Variants in IMPG1 observed in about 807,000 individuals in gnomAD.
The protein encoded by IMPG1 is interphotoreceptor matrix proteoglycan of 150 kDa.
IMPG1 carries 85 observed loss-of-function variants against 92.0 expected under a neutral mutation model. That is an observed-to-expected ratio of 0.92 (90% CI 0.78 to 1.11). IMPG1 has a LOEUF of 1.11. IMPG1 is among the 50% of genes least tolerant of loss of function. The pLI, the probability that IMPG1 is intolerant of heterozygous loss-of-function variation, is 0.00. For missense variants in IMPG1, 1,022 were observed against 956.0 expected (o/e 1.07, Z -0.91); for synonymous variants, 367 against 334.1 (o/e 1.10, Z -1.08).
chr6:75,938,371 T>C (rs1213185056), intron 14 of IMPG1, among the ~76,000 whole-genome samples: 2 of 152,246 alleles, frequency 1.3e-5, no homozygotes, highest in Admixed American at 1.3e-4. Flanking sequence ...TCTCCCAGTA[T>C]TGTGACCACA....
chr6:76,005,165 C>A (rs973285369), intron 10 of IMPG1, 122 bp downstream of exon 10: 2 of 932,796 alleles, frequency 2.1e-6, no homozygotes, highest in Admixed American at 4.4e-5. Flanking sequence ...ATATGTATTC[C>A]TGTCACAGTA....
At chr6:75,995,624 T>G (rs1782885660) in intron 12 of IMPG1, among the ~76,000 whole-genome samples, 1 of 152,260 alleles carries the variant, frequency 6.6e-6, no homozygotes, top group Non-Finnish European at 1.5e-5. Flanking sequence ...ATACTGTGTA[T>G]TTTATTATTT....
chr6:75,999,144 A>G (rs557304733), intron 12 of IMPG1, among the ~76,000 whole-genome samples: 1 of 152,308 alleles, frequency 6.6e-6, no homozygotes, highest in East Asian at 1.9e-4. Flanking sequence ...GGCATGAGCC[A>G]CTGCGCCCGG....
chr6:76,063,970 C>T (rs892295534), intron 1 of IMPG1, among the ~76,000 whole-genome samples: 1 of 151,862 alleles, frequency 6.6e-6, no homozygotes, highest in African/African-American at 2.4e-5. Context: ...TGTGTTCAGC[C>T]CTATGGGGAA....
At chr6:75,993,151 A>C (rs970203705) in intron 12 of IMPG1, among the ~76,000 whole-genome samples, 7 of 152,102 alleles carry the variant, frequency 4.6e-5, no homozygotes, top group Non-Finnish European at 7.4e-5. Context: ...TGGTGTTGTT[A>C]ATTAGTTATT....
At chr6:76,059,039 G>A (rs1784163868) in intron 1 of IMPG1, among the ~76,000 whole-genome samples, 1 of 152,110 alleles carries the variant, frequency 6.6e-6, no homozygotes, top group South Asian at 2.1e-4. Flanking sequence ...GGACAAAATG[G>A]CAGAGGCTGA....
At chr6:76,004,951 T>C (rs1381990859) in intron 10 of IMPG1, among the ~76,000 whole-genome samples, 1 of 152,160 alleles carries the variant, frequency 6.6e-6, no homozygotes, top group Non-Finnish European at 1.5e-5. Flanking sequence ...ACCTGACCAA[T>C]TGACTACATG....
intron 15 of IMPG1, among the ~76,000 whole-genome samples, chr6:75,926,954 C>T (rs902288126): frequency 6.6e-6 from 1 of 152,148 alleles, no homozygotes; most frequent in Non-Finnish European, 1.5e-5. Flanking sequence ...CAGGAGGGCA[C>T]CTGCCTTCAG....
chr6:75,931,956 C>T (rs1014364648), intron 14 of IMPG1, among the ~76,000 whole-genome samples: 23 of 152,316 alleles, frequency 1.5e-4, no homozygotes, highest in East Asian at 1.4e-3. Flanking sequence ...AGCAACTGAC[C>T]GGAGTCCTCA....
intron 12 of IMPG1, among the ~76,000 whole-genome samples, chr6:75,954,133 T>C (rs183802163): frequency 3.9e-5 from 6 of 152,338 alleles, no homozygotes; most frequent in Non-Finnish European, 8.8e-5. Context: ...TACCCAGTAA[T>C]GGGATTGCTG....
At chr6:76,037,568 A>G (rs1458331985) in intron 2 of IMPG1, among the ~76,000 whole-genome samples, 1 of 152,208 alleles carries the variant, frequency 6.6e-6, no homozygotes, top group East Asian at 1.9e-4. Flanking sequence ...TCAATAGTCT[A>G]CATAATATAC....
intron 12 of IMPG1, among the ~76,000 whole-genome samples, chr6:75,996,578 A>G (rs1030908159): frequency 2.0e-5 from 3 of 152,190 alleles, no homozygotes; most frequent in African/African-American, 7.2e-5. Context: ...AGTTGGGAGC[A>G]GCCTGGAAAA....
chr6:76,049,896 GTTAT>G (rs1784007494), intron 1 of IMPG1, among the ~76,000 whole-genome samples: 1 of 152,134 alleles, frequency 6.6e-6, no homozygotes, highest in African/African-American at 2.4e-5. Context: ...GGAGGTTGGT[GTTAT>G]TTATTTATTT....
chr6:75,969,383 AATATGTGTAC>A (rs1180536640), intron 12 of IMPG1, among the ~76,000 whole-genome samples: 1 of 152,182 alleles, frequency 6.6e-6, no homozygotes, highest in Non-Finnish European at 1.5e-5. Context: ...CAAAAATTGA[AATATGTGTAC>A]ATATTTCAAA....
chr6:75,969,329 A>G (rs1197380162), intron 12 of IMPG1, among the ~76,000 whole-genome samples: 2 of 152,204 alleles, frequency 1.3e-5, no homozygotes, highest in East Asian at 3.8e-4. Flanking sequence ...AAAAATGGCA[A>G]GTATGTGAGA....
intron 1 of IMPG1, among the ~76,000 whole-genome samples, chr6:76,044,968 G>A (rs141077037): frequency 5.8e-4 from 89 of 152,286 alleles, no homozygotes; most frequent in African/African-American, 1.8e-3. Flanking sequence ...TTCTCAGCAC[G>A]TCCATGAGCT....
At chr6:75,973,824 T>A (rs992034885) in intron 12 of IMPG1, among the ~76,000 whole-genome samples, 2 of 152,162 alleles carry the variant, frequency 1.3e-5, no homozygotes, top group African/African-American at 2.4e-5. Flanking sequence ...AGAGGACACA[T>A]AGGGTACTTT....
chr6:76,035,575 A>G (rs1301402247), intron 2 of IMPG1, among the ~76,000 whole-genome samples: 6 of 151,634 alleles, frequency 4.0e-5, no homozygotes. Flanking sequence ...GCAGACCAGC[A>G]GTCTCCAAAC....
intron 12 of IMPG1, among the ~76,000 whole-genome samples, chr6:75,972,240 C>G (rs1322140966): frequency 6.6e-6 from 1 of 152,108 alleles, no homozygotes; most frequent in Non-Finnish European, 1.5e-5. Context: ...CTGTAGGAAC[C>G]AAAAAGTGCC....
Sources: gnomAD v4.1 joint callset for allele counts (sites outside exome capture counted in the v4.1 genomes callset) on GRCh38, gnomAD v4.1.1 for gene constraint, MANE v1.5 for transcripts, NCBI Gene and HGNC (gene_info 2026-07-23, HGNC 2026-07-21) for gene names.